Variants in SLIT3 observed in about 807,000 individuals in gnomAD.
The protein encoded by SLIT3 is slit homolog 3 protein.
In SLIT3, 68 loss-of-function variants were observed where a neutral mutation model predicts 184.0. The ratio of observed to expected loss-of-function variants is 0.37; its 90% CI spans 0.30 to 0.45. The LOEUF (loss-of-function observed/expected upper bound fraction) is 0.45. SLIT3 is among the 20% of genes least tolerant of loss of function. SLIT3 has a pLI of 1.00. For synonymous variants in SLIT3, 831 were observed against 828.6 expected (o/e 1.00, Z -0.05); for missense variants, 1,707 against 2,026.0 (o/e 0.84, Z 3.02).
intron 4 of SLIT3, among the ~76,000 whole-genome samples, chr5:169,108,953 G>C (rs1760316100): frequency 6.6e-6 from 1 of 152,040 alleles, no homozygotes; most frequent in African/African-American, 2.4e-5. Flanking sequence ...ACAGGCCCTT[G>C]GGGGGTCTCT....
intron 4 of SLIT3, among the ~76,000 whole-genome samples, chr5:169,191,286 G>A (rs567624312): frequency 1.5e-4 from 23 of 152,242 alleles, no homozygotes; most frequent in African/African-American, 5.1e-4. Flanking sequence ...TATGTGTGCC[G>A]AGCTATGCCC....
chr5:168,758,435 A>T (rs925092088), intron 16 of SLIT3, among the ~76,000 whole-genome samples: 1 of 152,210 alleles, frequency 6.6e-6, no homozygotes, highest in African/African-American at 2.4e-5. Context: ...TCACGCCCAC[A>T]GGCCTGTAAG....
chr5:169,037,565 G>A (rs543203839), intron 4 of SLIT3: 2 of 152,360 alleles, frequency 1.3e-5, no homozygotes, highest in African/African-American at 2.4e-5. Context: ...ATGATGTCTC[G>A]TGTAATTGGA....
chr5:169,013,837 T>C (rs1015108702), intron 4 of SLIT3, among the ~76,000 whole-genome samples: 2 of 152,216 alleles, frequency 1.3e-5, no homozygotes, highest in Admixed American at 6.5e-5. Flanking sequence ...ATTGTCGTAT[T>C]TTCTCATGCC....
rs574443180 is a variant in SLIT3 at position 168,915,054 on chromosome 5, A to G, written c.414-31718T>C. The stretch of plus-strand genomic sequence containing the variant: ...GAAAGCAGGCAATACGTAATCTGTC[A>G]AAAGAGGTAGCTTTTACCAATTCTT... On this transcript the variant is annotated intron_variant, in intron 4 of 35. Coordinates refer to ENST00000519560, the MANE Select transcript of SLIT3 (RefSeq NM_003062.4). Among the ~76,000 whole-genome samples, 50 of 152,334 alleles carry G rather than the reference A, an allele frequency of 3.3e-4. 1 individual carries two copies. The Middle Eastern group carries it at 0.017, about 52-fold the overall frequency.
chr5:168,825,800 G>A (rs1195329049), intron 6 of SLIT3, among the ~76,000 whole-genome samples: 1 of 152,200 alleles, frequency 6.6e-6, no homozygotes, highest in African/African-American at 2.4e-5. Flanking sequence ...TTGGCAGGGA[G>A]CTTCCTGGGG....
chr5:168,994,227 A>C (rs1446035930), intron 4 of SLIT3: 1 of 152,226 alleles, frequency 6.6e-6, no homozygotes, highest in Non-Finnish European at 1.5e-5. Flanking sequence ...AGGTGAATGG[A>C]ATCCTCAGTG....
chr5:168,674,907 T>C (rs1761361215), intron 32 of SLIT3, among the ~76,000 whole-genome samples: 1 of 152,120 alleles, frequency 6.6e-6, no homozygotes, highest in Admixed American at 6.5e-5. Context: ...GTTCACTTAT[T>C]TGAACCTTAC....
chr5:168,990,751 G>C (rs1755291871), intron 4 of SLIT3, among the ~76,000 whole-genome samples: 1 of 152,196 alleles, frequency 6.6e-6, no homozygotes, highest in Non-Finnish European at 1.5e-5. Flanking sequence ...TGTCCCTCTT[G>C]GGTGGGTTAG....
intron 3 of SLIT3, among the ~76,000 whole-genome samples, chr5:169,223,775 GC>G (rs755621732): frequency 1.3e-5 from 2 of 152,154 alleles, no homozygotes; most frequent in Non-Finnish European, 2.9e-5. Context: ...AACAAAACCA[GC>G]AAAGAGATTG....
chr5:169,131,165 A>T (rs1037911023), intron 4 of SLIT3, among the ~76,000 whole-genome samples: 6 of 152,256 alleles, frequency 3.9e-5, no homozygotes, highest in African/African-American at 1.4e-4. Context: ...CTGCAACTAC[A>T]TTACTTAGCT....
intron 4 of SLIT3, among the ~76,000 whole-genome samples, chr5:169,053,639 T>C (rs754158124): frequency 4.6e-5 from 7 of 152,174 alleles, no homozygotes; most frequent in Non-Finnish European, 7.4e-5. Flanking sequence ...AGCATTTACA[T>C]CTGTTTAGTT....
chr5:168,699,253 G>A (rs1762147863), intron 27 of SLIT3, among the ~76,000 whole-genome samples: 1 of 152,344 alleles, frequency 6.6e-6, no homozygotes, highest in South Asian at 2.1e-4. Flanking sequence ...GGGTTCCCGG[G>A]GGAAGAGAAC....
chr5:169,187,020 T>A (rs2113455385), intron 4 of SLIT3, among the ~76,000 whole-genome samples: 1 of 152,170 alleles, frequency 6.6e-6, no homozygotes, highest in East Asian at 1.9e-4. Context: ...GCATTTTTTT[T>A]TTTTAAAGCT....
chr5:169,249,689 A>G (rs1445365874), intron 2 of SLIT3, among the ~76,000 whole-genome samples: 1 of 152,264 alleles, frequency 6.6e-6, no homozygotes, highest in African/African-American at 2.4e-5. Flanking sequence ...ATACCTCTTC[A>G]ATAACAATCG....
chr5:168,964,513 A>G (rs924726542), intron 4 of SLIT3, among the ~76,000 whole-genome samples: 1 of 152,210 alleles, frequency 6.6e-6, no homozygotes, highest in African/African-American at 2.4e-5. Flanking sequence ...CCAAAGCCCA[A>G]ACTCATTTCA....
intron 4 of SLIT3, among the ~76,000 whole-genome samples, chr5:168,994,622 A>C (rs1219344755): frequency 6.4e-5 from 4 of 62,438 alleles, no homozygotes; most frequent in African/African-American, 2.0e-4. Context: ...CTGGCATTCT[A>C]CTTTTTTTTT....
Position 168,989,391 on chromosome 5 carries a change from C to A in SLIT3, c.414-106055G>T, listed in dbSNP as rs541065034. 5.6e-4 allele frequency among the ~76,000 whole-genome samples: 86 copies of A among 152,328 alleles called. 4 individuals are homozygous for A. In the South Asian group the frequency reaches 0.017, roughly 30 times the overall value. On this transcript the variant is annotated intron_variant, in intron 4 of 35. Coordinates refer to ENST00000519560, the MANE Select transcript of SLIT3 (RefSeq NM_003062.4). The stretch of plus-strand genomic sequence containing the variant: ...AGATGAGCTGCAAACTTAGGCACAG[C>A]CACCTGAAATGAATTTGCTGAAAAC...
At chr5:168,827,096 C>T (rs989480756) in intron 6 of SLIT3, among the ~76,000 whole-genome samples, 1 of 152,136 alleles carries the variant, frequency 6.6e-6, no homozygotes, top group Admixed American at 6.5e-5. Flanking sequence ...CCAATTATCC[C>T]ACGAGGCAGG....
Sources: allele counts gnomAD v4.1 joint callset (sites outside exome capture counted in the v4.1 genomes callset), GRCh38; gene constraint gnomAD v4.1.1; transcripts MANE v1.5; gene names NCBI Gene and HGNC (gene_info 2026-07-23, HGNC 2026-07-21).